The following GLIS1 variants were observed in gnomAD, a reference collection of about 807,000 sequenced individuals.
GLIS1 encodes the protein zinc finger protein GLIS1.
In GLIS1, 24 loss-of-function variants were observed where a neutral mutation model predicts 63.8. The observed-to-expected ratio is 0.38, with a 90% CI of 0.27 to 0.53. The LOEUF (loss-of-function observed/expected upper bound fraction) is 0.53. GLIS1 is among the 20% of genes least tolerant of loss of function. The pLI, the probability that GLIS1 is intolerant of heterozygous loss-of-function variation, is 0.85. For missense variants in GLIS1, 1,036 were observed against 1,074.1 expected (o/e 0.96, Z 0.50); for synonymous variants, 450 against 482.5 (o/e 0.93, Z 0.88).
In GLIS1 at chr1:53,526,970, C is replaced by G. The variant is rs927978489; in HGVS notation, c.1483-2083G>C. ...ATGAGGACGCTCCGGGTGAGTCTGC[C>G]GTGCGGAGCCCCTGCCCGTCTGCAC... On this transcript the variant is annotated intron_variant, in intron 5 of 10. Transcript: ENST00000628545. The surrounding 1 kb of genome is among the most constrained non-coding windows in gnomAD (Gnocchi z 4.4). Among the ~76,000 whole-genome samples the G allele has an allele frequency of 1.3e-5, 2 of 152,340 alleles. No homozygotes were observed. Among genetic ancestry groups the G allele is most frequent in the Admixed American group, 1.3e-4 (2 of 15,308 alleles).
At chr1:53,593,202 C>T (rs2100527370) in intron 4 of GLIS1, among the ~76,000 whole-genome samples, 1 of 152,388 alleles carries the variant, frequency 6.6e-6, no homozygotes, top group Middle Eastern at 3.4e-3. Flanking sequence ...GTGGCCCATG[C>T]TTCTCAACAC....
intron 4 of GLIS1, among the ~76,000 whole-genome samples, chr1:53,579,329 A>T (rs1022092205): frequency 1.3e-5 from 2 of 152,198 alleles, no homozygotes; most frequent in African/African-American, 4.8e-5. Flanking sequence ...ACACAGATCC[A>T]AGGGCAACAA....
At chr1:53,543,764 C>T (rs1200287133) in intron 4 of GLIS1, among the ~76,000 whole-genome samples, 1 of 151,960 alleles carries the variant, frequency 6.6e-6, no homozygotes, top group Non-Finnish European at 1.5e-5. Flanking sequence ...AGGTGACCCA[C>T]CCCTCACCTG....
intron 3 of GLIS1, among the ~76,000 whole-genome samples, chr1:53,597,209 A>AAAC (rs1645266234): frequency 1.5e-5 from 2 of 131,434 alleles, no homozygotes; most frequent in South Asian, 5.0e-4. Context: ...AAAAAAAAAA[A>AAAC]AACACTACAA....
At chr1:53,713,617 C>G (rs577497540) in intron 2 of GLIS1, among the ~76,000 whole-genome samples, 81 of 152,302 alleles carry the variant, frequency 5.3e-4, no homozygotes, top group African/African-American at 1.8e-3. Context: ...AAATAACTAG[C>G]TGGACTTACT....
chr1:53,668,657 A>C (rs561266544), intron 2 of GLIS1, among the ~76,000 whole-genome samples: 1 of 152,262 alleles, frequency 6.6e-6, no homozygotes, highest in African/African-American at 2.4e-5. Flanking sequence ...CACCATGCCC[A>C]GCCCTATGTT....
intron 2 of GLIS1, among the ~76,000 whole-genome samples, chr1:53,617,151 G>A (rs897063763): frequency 3.3e-5 from 5 of 152,168 alleles, no homozygotes; most frequent in Non-Finnish European, 5.9e-5. Context: ...AGGTTCCAAG[G>A]TGGGGTTCCA....
At chr1:53,522,954 C>T (rs771638108) in intron 6 of GLIS1, among the ~76,000 whole-genome samples, 6 of 148,600 alleles carry the variant, frequency 4.0e-5, no homozygotes, top group East Asian at 2.0e-4. Context: ...CCCACACCTA[C>T]GGTTGTAGTT....
chr1:53,561,811 G>A (rs1429967071), intron 4 of GLIS1, among the ~76,000 whole-genome samples: 2 of 152,200 alleles, frequency 1.3e-5, no homozygotes, highest in African/African-American at 2.4e-5. Flanking sequence ...AAAACATGCC[G>A]GCAAACAGGG....
intron 4 of GLIS1, among the ~76,000 whole-genome samples, chr1:53,583,734 C>T (rs1448855737): frequency 1.3e-5 from 2 of 152,158 alleles, no homozygotes; most frequent in African/African-American, 2.4e-5. Flanking sequence ...GAATGTATTG[C>T]GAGGAGGAGG....
intron 4 of GLIS1, among the ~76,000 whole-genome samples, chr1:53,558,651 G>A (rs1052019554): frequency 6.6e-6 from 1 of 152,288 alleles, no homozygotes; most frequent in Middle Eastern, 3.4e-3. Flanking sequence ...GGTCAAGCAG[G>A]GTGTCCCATT....
chr1:53,593,285 A>T (rs1180378356), intron 4 of GLIS1, among the ~76,000 whole-genome samples: 1 of 152,162 alleles, frequency 6.6e-6, no homozygotes, highest in Non-Finnish European at 1.5e-5. Context: ...TGTGCCTCGG[A>T]GGTAGCACAG....
At chr1:53,638,783 A>G (rs2100280457) in intron 2 of GLIS1, among the ~76,000 whole-genome samples, 1 of 152,224 alleles carries the variant, frequency 6.6e-6, no homozygotes, top group East Asian at 1.9e-4. Flanking sequence ...CATGAAAACG[A>G]GGGTAAACCC....
intron 4 of GLIS1, among the ~76,000 whole-genome samples, chr1:53,579,130 T>C (rs1381263933): frequency 6.6e-6 from 1 of 151,946 alleles, no homozygotes; most frequent in Non-Finnish European, 1.5e-5. Flanking sequence ...TTTATACCAA[T>C]GCTGTCATAA....
intron 2 of GLIS1, among the ~76,000 whole-genome samples, chr1:53,730,323 T>C (rs7519105): frequency 0.044 from 6,625 of 152,238 alleles, 472 homozygotes; most frequent in African/African-American, 0.15. Flanking sequence ...GTTGGAAAGT[T>C]GGCAAAATAC....
At chr1:53,615,620 A>C (rs1645473336) in intron 2 of GLIS1, among the ~76,000 whole-genome samples, 1 of 152,232 alleles carries the variant, frequency 6.6e-6, no homozygotes, top group African/African-American at 2.4e-5. Context: ...ACCTTTTATC[A>C]TACTGAGCTA....
intron 2 of GLIS1, among the ~76,000 whole-genome samples, chr1:53,709,344 A>G (rs1427300990): frequency 8.1e-6 from 1 of 123,754 alleles, no homozygotes; most frequent in African/African-American, 3.6e-5. Flanking sequence ...ATATATACAT[A>G]TATACATATA....
intron 2 of GLIS1, among the ~76,000 whole-genome samples, chr1:53,710,849 A>T (rs938167163): frequency 5.3e-5 from 8 of 152,166 alleles, no homozygotes; most frequent in African/African-American, 1.9e-4. Context: ...AAACAGAGTA[A>T]TTAGAGTGGT....
intron 5 of GLIS1, among the ~76,000 whole-genome samples, chr1:53,529,175 T>C (rs1312698347): frequency 6.6e-6 from 1 of 152,196 alleles, no homozygotes; most frequent in Non-Finnish European, 1.5e-5. Flanking sequence ...GGAATAAAGC[T>C]GCTGTTACCT....
Sources: allele counts gnomAD v4.1 joint callset (sites outside exome capture counted in the v4.1 genomes callset), GRCh38; gene constraint gnomAD v4.1.1; non-coding constraint Gnocchi (gnomAD v3.1); transcripts MANE v1.5; gene names NCBI Gene and HGNC (gene_info 2026-07-23, HGNC 2026-07-21).